WNT8A: variants seen among roughly 807,000 people sequenced by gnomAD.
WNT8A encodes Wnt family member 8A.
Under a neutral mutation model 20.5 loss-of-function variants are expected in WNT8A, and 14 were observed. That is an observed-to-expected ratio of 0.68 (90% CI 0.45 to 1.07). The LOEUF (loss-of-function observed/expected upper bound fraction) is 1.07, where lower values mean the gene tolerates loss of function less well. WNT8A is among the 50% of genes least tolerant of loss of function. The pLI is 0.00. For synonymous variants in WNT8A, 167 were observed against 169.2 expected, an observed-to-expected ratio of 0.99 and a Z score of 0.10; for missense variants, 397 against 462.9, an observed-to-expected ratio of 0.86 and a Z score of 1.31.
chr5:138,079,324 T>TTAATTATATAA (rs1295801012), upstream of WNT8A, among the ~76,000 whole-genome samples: 1 of 68,358 alleles, frequency 1.5e-5, no homozygotes, highest in African/African-American at 4.2e-5. Context: ...TAATTATATA[T>TTAATTATATAA]TAATTATATA....
rs893530000 is a variant in WNT8A at position 138,091,136 on chromosome 5, TAGAG to T, written c.*67_*70del. ...GTGGAAGGGGACATAGCTTCTCTCT[TAGAG>T]AGAACAGATTGGAAAGCAATCGGAA... On this transcript the variant is annotated 3_prime_UTR_variant, in exon 5 of 5. Transcript: ENST00000506684. 67 of 1,561,222 alleles carry T rather than the reference TAGAG, an allele frequency of 4.3e-5. No individual in the cohort carries two copies. The highest frequency in any genetic ancestry group is 5.3e-5 in the Non-Finnish European group (61 of 1,159,526).
upstream of WNT8A, among the ~76,000 whole-genome samples, chr5:138,080,493 A>G (rs371614203): frequency 2.0e-4 from 12 of 61,152 alleles, no homozygotes; most frequent in African/African-American, 5.9e-4. Flanking sequence ...TTTTTAGTAG[A>G]GATGAGGTTT....
At chr5:138,089,200 T>C (rs1347816951) in intron 4 of WNT8A, 131 bp downstream of exon 4, 1 of 1,347,236 alleles carries the variant, frequency 7.4e-7, no homozygotes, top group Non-Finnish European at 1.0e-6. Flanking sequence ...ACCCGCATTC[T>C]CTGGATGACA....
intron 1 of WNT8A, 21 bp from the exon 2 acceptor site, chr5:138,084,477 C>T (rs773119666): frequency 1.3e-6 from 2 of 1,584,790 alleles, no homozygotes; most frequent in Non-Finnish European, 8.6e-7. Flanking sequence ...CAGAAGCTCA[C>T]AGCCCTTTTC....
chr5:138,084,933 T>TC (rs1445612883), intron 2 of WNT8A, among the ~76,000 whole-genome samples: 1 of 152,070 alleles, frequency 6.6e-6, no homozygotes, highest in East Asian at 1.9e-4. Context: ...AGGAAATTAC[T>TC]CTTTTTTTTT....
At position 138,091,122 on chromosome 5, in the gene WNT8A, C is replaced by A; in HGVS notation, c.*49C>A. On this transcript the variant is annotated 3_prime_UTR_variant, in exon 5 of 5. Coordinates refer to ENST00000506684, the MANE Select transcript of WNT8A (RefSeq NM_001300939.2). The stretch of plus-strand genomic sequence containing the variant: ...GATTAATTGCATCAGTGGAAGGGGA[C>A]ATAGCTTCTCTCTTAGAGAGAACAG... 1.3e-6 allele frequency: 2 copies of A among 1,576,656 alleles called. No individual in the cohort carries two copies. The highest frequency in any genetic ancestry group is 1.7e-6 in the Non-Finnish European group (2 of 1,164,234).
upstream of WNT8A, among the ~76,000 whole-genome samples, chr5:138,082,456 G>A (rs911440690): frequency 6.6e-6 from 1 of 152,186 alleles, no homozygotes; most frequent in African/African-American, 2.4e-5. Flanking sequence ...GCACATGCCT[G>A]TAATCTCAGC....
In WNT8A at chr5:138,084,566, G is replaced by T. The variant is rs760536082; in HGVS notation, c.225G>T (p.Gln75His). Residue 75 changes from glutamine to histidine, a missense_variant, in exon 2 of 5, where the codon CAG (glutamine) becomes CAT (histidine). Coordinates refer to ENST00000506684, the MANE Select transcript of WNT8A (RefSeq NM_001300939.2). ...GTGGCATCGAGGAGTGCAAGTTCCA[G>T]TTTGCTTGGGAACGCTGGAACTGCC... is the stretch of plus-strand genomic sequence containing the variant. ...AQSGIEECKF[Q>H]FAWERWNCPE... The T allele has an allele frequency of 6.2e-7, 1 of 1,613,918 alleles. No homozygotes were observed. Among genetic ancestry groups the T allele is most frequent in the Non-Finnish European group, 8.5e-7 (1 of 1,179,906 alleles).
At chr5:138,091,814 G>C (rs1183546904), downstream of WNT8A, among the ~76,000 whole-genome samples, 1 of 151,838 alleles carries the variant, frequency 6.6e-6, no homozygotes, top group African/African-American at 2.4e-5. Flanking sequence ...CAACAGAACT[G>C]AGACCCTGAC....
the WNT8A span, among the ~76,000 whole-genome samples, chr5:138,077,951 T>C: frequency 6.6e-6 from 1 of 152,120 alleles, no homozygotes; most frequent in Non-Finnish European, 1.5e-5. Context: ...GCCTCTGTCC[T>C]CACAGGCCCA....
In WNT8A at chr5:138,090,707, C is replaced by T. The variant is rs761534255; in HGVS notation, c.744C>T (p.Ser248=). ...MDKRQLRAGN[S]AEGHWVPAEA... is the part of the protein sequence containing the mutation. The stretch of plus-strand genomic sequence containing the variant: ...AGCGGCAGCTGAGAGCTGGGAACAG[C>T]GCCGAGGGCCACTGGGTGCCCGCTG... The change falls in exon 5 of 5, where the codon AGC becomes AGT. Residue 248 remains serine (S), a synonymous_variant. Coordinates refer to ENST00000506684, the MANE Select transcript of WNT8A (RefSeq NM_001300939.2). The T allele has an allele frequency of 1.6e-5, 26 of 1,614,086 alleles. No individual in the cohort carries two copies. Among genetic ancestry groups the T allele is most frequent in the Middle Eastern group, 1.6e-4 (1 of 6,084 alleles).
chr5:138,086,584 A>G (rs1311658092), intron 2 of WNT8A, among the ~76,000 whole-genome samples: 6 of 152,152 alleles, frequency 3.9e-5, no homozygotes, highest in Non-Finnish European at 7.3e-5. Flanking sequence ...AAGGAGGCTG[A>G]AAAAATATGC....
upstream of WNT8A, among the ~76,000 whole-genome samples, chr5:138,080,732 C>G (rs533437514): frequency 6.6e-6 from 1 of 152,138 alleles, no homozygotes; most frequent in East Asian, 1.9e-4. Flanking sequence ...TCCCAAAGGG[C>G]TGGGATTATA....
At chr5:138,089,987 A>C (rs1750792210) in intron 4 of WNT8A, among the ~76,000 whole-genome samples, 1 of 152,116 alleles carries the variant, frequency 6.6e-6, no homozygotes, top group Admixed American at 6.6e-5. Flanking sequence ...AAGCAAGTAC[A>C]ACCATGGGTA....
rs749859751 is a variant in WNT8A, at chr5:138,090,621, C to T, written c.658C>T (p.Arg220Trp). The T allele has an allele frequency of 8.7e-6, 14 of 1,614,060 alleles. No homozygotes were observed. Among genetic ancestry groups the T allele is most frequent in the African/African-American group, 2.7e-5 (2 of 74,912 alleles). Residue 220 changes from arginine to tryptophan, a missense_variant, in exon 5 of 5, where the codon CGG becomes TGG. Coordinates refer to ENST00000506684, the MANE Select transcript of WNT8A (RefSeq NM_001300939.2). ...ATGCTGGCTGCAGCTGGCTGAATTC[C>T]GGGAGATGGGAGACTACCTAAAGGC... ...QTCWLQLAEFREMGDYLKAKY... is the reference protein window; with the variant it reads ...QTCWLQLAEFWEMGDYLKAKY...
At position 138,091,344 on chromosome 5, in the gene WNT8A, T is replaced by A; in HGVS notation, c.*271T>A. 2.1e-6 allele frequency: 3 copies of A among 1,450,380 alleles called. No individual in the cohort carries two copies. The highest frequency in any genetic ancestry group is 1.8e-6 in the Non-Finnish European group (2 of 1,086,424). 89.8% of individuals were successfully genotyped at this position (1,450,380 alleles called of 1,614,324 possible). The stretch of plus-strand genomic sequence containing the variant: ...TTTCCCATCTTTGTGCCTGTACTTA[T>A]GCAGCTTTCTACAGGGAGAGTTTGG... On this transcript the variant is annotated 3_prime_UTR_variant, in exon 5 of 5. Coordinates refer to ENST00000506684, the MANE Select transcript of WNT8A (RefSeq NM_001300939.2).
intron 3 of WNT8A, 142 bp from the exon 4 acceptor site, chr5:138,088,785 T>C: frequency 8.7e-7 from 1 of 1,147,412 alleles, no homozygotes; most frequent in Non-Finnish European, 1.2e-6. Flanking sequence ...GCAACAGGAC[T>C]CCCACCCACC....
upstream of WNT8A, among the ~76,000 whole-genome samples, chr5:138,080,444 G>GTTTTTTTGTTTTTTTTTTTTT (rs750585385): frequency 1.8e-5 from 1 of 55,974 alleles, no homozygotes; most frequent in Non-Finnish European, 3.2e-5. Context: ...TGTAAATCTT[G>GTTTTTTTGTTTTTTTTTTTTT]TTTTTTTTTT....
At chr5:138,084,669 G>A (rs1750603327) in intron 2 of WNT8A, 33 bp downstream of exon 2, 1 of 1,570,476 alleles carries the variant, frequency 6.4e-7, no homozygotes, top group Admixed American at 1.8e-5. Flanking sequence ...TGTACAAGGG[G>A]TATATATGTG....
Sources: gnomAD v4.1 joint callset for allele counts (sites outside exome capture counted in the v4.1 genomes callset) on GRCh38, gnomAD v4.1.1 for gene constraint, MANE v1.5 for transcripts, NCBI Gene and HGNC (gene_info 2026-07-23, HGNC 2026-07-21) for gene names.